RP1L1: variants seen among roughly 807,000 people sequenced by gnomAD.
RP1L1 encodes RP1 like 1.
RP1L1 carries 27 observed loss-of-function variants against 15.7 expected under a neutral mutation model. The observed-to-expected ratio is 1.72, with a 90% CI of 1.27 to 2.38. The LOEUF is 2.38. Among genes scored for constraint, RP1L1 ranks in the 30% most tolerant of loss-of-function variants. The probability of loss-of-function intolerance (pLI) is 0.00; values close to 1 mark genes in which losing one functional copy is unlikely to be tolerated. For synonymous variants in RP1L1, 1,813 were observed against 1,276.7 expected (o/e 1.42, Z -8.96); for missense variants, 4,798 against 3,075.9 (o/e 1.56, Z -13.24).
chr8:10,616,294 G>A, intron 3 of RP1L1, 152 bp downstream of exon 3: 1 of 948,346 alleles, frequency 1.1e-6, no homozygotes, highest in South Asian at 1.4e-5. Flanking sequence ...CTGAGAAGGA[G>A]GAAGAGGCAA....
rs1446384532 is a variant in RP1L1 at position 10,610,056 on chromosome 8, C to T, written c.4042G>A (p.Gly1348Arg). The change falls in exon 4 of 4, where the codon GGA becomes AGA. Residue 1348 changes from glycine to arginine, a missense_variant. Gly to Arg is a moderately radical substitution (Grantham distance 125, BLOSUM62 -2). Transcript: ENST00000382483. ...LEETKETEGE[G>R]QQEEEAQLEE... ...AACTGCGCCTCTTCTTCTTGCTGTC[C>T]TTCTCCTTCTGTTTCTTTAGTTTCC... 4 of 1,184,528 alleles carry T rather than the reference C, an allele frequency of 3.4e-6. No individual in the cohort carries two copies. The highest frequency in any genetic ancestry group is 4.8e-5 in the East Asian group (1 of 20,804). 73.4% of individuals were successfully genotyped at this position (1,184,528 alleles called of 1,614,324 possible).
intron 2 of RP1L1, chr8:10,621,860 C>A: frequency 2.3e-6 from 1 of 442,982 alleles, no homozygotes; most frequent in Non-Finnish European, 4.6e-6. Flanking sequence ...CCTGCACATG[C>A]TGGGAGCCAT....
chr8:10,621,629 T>C, intron 2 of RP1L1: 1 of 447,738 alleles, frequency 2.2e-6, no homozygotes, highest in Non-Finnish European at 4.6e-6. Context: ...CCCAGTGATA[T>C]GATATTTATG....
chr8:10,612,013 G>A lies in RP1L1; in HGVS notation c.2085C>T (p.Ala695=), dbSNP rs967971310. 8 of 1,613,768 alleles carry A rather than the reference G, an allele frequency of 5.0e-6. No homozygotes were observed. Among genetic ancestry groups the A allele is most frequent in the East Asian group, 2.2e-5 (1 of 44,882 alleles). The change falls in exon 4 of 4, where the codon GCC becomes GCT. Residue 695 remains alanine (A), a synonymous_variant. Coordinates refer to ENST00000382483, the MANE Select transcript of RP1L1 (RefSeq NM_178857.6). The part of the protein sequence containing the change: ...QVPRPPERRR[A]CQDGSVPRYS... ...ATCGTGGCACTGAGCCATCCTGGCA[G>A]GCCCTTCGCCGCTCAGGAGGCCTCG...
chr8:10,609,574 G>A lies in RP1L1; in HGVS notation c.4524C>T (p.Cys1508=), dbSNP rs1162136919. 1.9e-6 allele frequency: 3 copies of A among 1,603,494 alleles called. No individual in the cohort carries two copies. Among genetic ancestry groups the A allele is most frequent in the South Asian group, 1.1e-5 (1 of 90,884 alleles). ...GAAERSSSVA[C]SAALDCDPIW... Reference sequence around the variant, plus strand: ...TGGGGTCGCAGTCCAGAGCCGCGCTGCAGGCCACCGAAGAGCTCCTCTCTG... The same window carrying A: ...TGGGGTCGCAGTCCAGAGCCGCGCTACAGGCCACCGAAGAGCTCCTCTCTG... The change falls in exon 4 of 4, where the codon TGC becomes TGT. Residue 1508 remains cysteine, a synonymous_variant. Transcript: ENST00000382483.
intron 1 of RP1L1, among the ~76,000 whole-genome samples, chr8:10,643,387 C>A (rs140264123): frequency 2.6e-5 from 4 of 152,258 alleles, no homozygotes; most frequent in Non-Finnish European, 4.4e-5. Context: ...CTGATTCTGA[C>A]TGCAGGCTGA....
In RP1L1 at chr8:10,611,949, C is replaced by G. The variant is rs1382408693; in HGVS notation, c.2149G>C (p.Gly717Arg). 6.2e-7 allele frequency: 1 copy of G among 1,613,780 alleles called. No homozygotes were observed. The highest frequency in any genetic ancestry group is 1.3e-5 in the African/African-American group (1 of 74,938). ...CCCGAGGAGGGAGGTCTCAGGTTCC[C>G]AGAGGCCTGTGTCCTGGTGCTCGAT... ...SSSSTRTQAS[G>R]NLRPPSSGSL... Residue 717 changes from glycine (G) to arginine (R), a missense_variant, in exon 4 of 4, where the codon GGG (glycine) becomes CGG (arginine). Coordinates refer to ENST00000382483, the MANE Select transcript of RP1L1 (RefSeq NM_178857.6).
chr8:10,608,871 C>G lies in RP1L1; in HGVS notation c.5227G>C (p.Gly1743Arg), dbSNP rs759400299. The G allele has an allele frequency of 1.2e-6, 2 of 1,614,024 alleles. No individual in the cohort carries two copies. The highest frequency in any genetic ancestry group is 1.7e-6 in the Non-Finnish European group (2 of 1,180,040). ...CTCTGGCTCCCCTCGCCATCCTCAC[C>G]CTCGTCCACTCCAGGCCCCTGGCTC... ...GLSQGPGVDE[G>R]EDGEGSQRLN... The change falls in exon 4 of 4, where the codon GGT becomes CGT. Residue 1743 changes from glycine (G) to arginine (R), a missense_variant. Transcript: ENST00000382483.
chr8:10,613,084 T>A lies in RP1L1; in HGVS notation c.1014A>T (p.Leu338=). 1 of 1,613,794 alleles carries A rather than the reference T, an allele frequency of 6.2e-7. No individual in the cohort carries two copies. Among genetic ancestry groups the A allele is most frequent in the Non-Finnish European group, 8.5e-7 (1 of 1,180,018 alleles). Residue 338 remains leucine (L), a synonymous_variant, in exon 4 of 4, where the codon CTA becomes CTT. Transcript: ENST00000382483. Reference sequence around the variant, plus strand: ...TGGCCCTGCCCATCCTCCGGGACCATAGGAGCGTGTCCTCGCCGACCAGGT... The same window carrying A: ...TGGCCCTGCCCATCCTCCGGGACCAAAGGAGCGTGTCCTCGCCGACCAGGT... ...RFHLVGEDTL[L]WSRRMGRASA...
intron 1 of RP1L1, among the ~76,000 whole-genome samples, chr8:10,647,086 AAG>A (rs1471562548): frequency 8.5e-5 from 13 of 152,206 alleles, no homozygotes; most frequent in Non-Finnish European, 1.8e-4. Context: ...GGCAGCAGGA[AAG>A]AGCTGTCCCG....
At chr8:10,653,691 G>C (rs1245625408) in intron 1 of RP1L1, among the ~76,000 whole-genome samples, 1 of 152,082 alleles carries the variant, frequency 6.6e-6, no homozygotes, top group African/African-American at 2.4e-5. Flanking sequence ...CAGAGGTTCA[G>C]AAAACGGCAA....
chr8:10,632,686 A>G (rs1798270414), intron 1 of RP1L1, among the ~76,000 whole-genome samples: 1 of 152,250 alleles, frequency 6.6e-6, no homozygotes, highest in Non-Finnish European at 1.5e-5. Flanking sequence ...AGCACCTTGT[A>G]GGTGCTCGGG....
In RP1L1 at chr8:10,606,678, T is replaced by G; in HGVS notation, c.*217A>C. The G allele has an allele frequency of 1.4e-6, 1 of 729,932 alleles. No homozygotes were observed. Among genetic ancestry groups the G allele is most frequent in the South Asian group, 2.0e-5 (1 of 51,102 alleles). 45.2% of individuals were successfully genotyped at this position (729,932 alleles called of 1,614,324 possible). A position where few individuals can be genotyped will look rare whatever the true frequency, so the allele number is the denominator to read the frequency against. On this transcript the variant is annotated 3_prime_UTR_variant, in exon 4 of 4. Coordinates refer to ENST00000382483, the MANE Select transcript of RP1L1 (RefSeq NM_178857.6). ...GCAGATCCGCAGACACCCCCTTTCT[T>G]CACACTGCGTGTGGGACGGGCCGCA...
rs1357182542 is a variant in RP1L1, at chr8:10,613,249, G to T, written c.849C>A (p.Pro283=). 1.9e-6 allele frequency: 3 copies of T among 1,611,610 alleles called. No homozygotes were observed. In the East Asian group the frequency reaches 6.7e-5, roughly 36 times the overall value. The change falls in exon 4 of 4, where the codon CCC becomes CCA. Residue 283 remains proline, a synonymous_variant. Coordinates refer to ENST00000382483, the MANE Select transcript of RP1L1 (RefSeq NM_178857.6). ...GCCTGCCAGGAGCAGGGCCCACCGG[G>T]GGGTTGCTAGGACCAGGCCTTTCTG... ...RLPERPGPSN[P]PVGPAPGRHP... is the part of the protein sequence containing the mutation.
chr8:10,634,845 A>G (rs1466616687), intron 1 of RP1L1, among the ~76,000 whole-genome samples: 1 of 152,032 alleles, frequency 6.6e-6, no homozygotes, highest in African/African-American at 2.4e-5. Flanking sequence ...GAGTCTACCC[A>G]ACCCCAACTG....
intron 1 of RP1L1, among the ~76,000 whole-genome samples, chr8:10,627,915 C>T (rs1413002876): frequency 6.6e-6 from 1 of 152,194 alleles, no homozygotes; most frequent in East Asian, 1.9e-4. Context: ...ACAAAGCAAT[C>T]CAGCAGCAAA....
rs762068724 is a variant in RP1L1 at position 10,609,045 on chromosome 8, C to T, written c.5053G>A (p.Glu1685Lys). Residue 1685 changes from glutamate to lysine, a missense_variant, in exon 4 of 4, where the codon GAG becomes AAG. Coordinates refer to ENST00000382483, the MANE Select transcript of RP1L1 (RefSeq NM_178857.6). ...AGAATCTGCTGCAGGTCAAAGGCCTCTTTGATGGGACCTCTGGTTGCCCCC... is the reference window on the plus strand; with the variant it reads ...AGAATCTGCTGCAGGTCAAAGGCCTTTTTGATGGGACCTCTGGTTGCCCCC... ...TMGATRGPIK[E>K]AFDLQQILQR... 6.2e-7 allele frequency: 1 copy of T among 1,613,862 alleles called. No homozygotes were observed. Among genetic ancestry groups the T allele is most frequent in the South Asian group, 1.1e-5 (1 of 91,058 alleles).
At position 10,611,057 on chromosome 8, in the gene RP1L1, A is replaced by G. The variant is rs776708398; in HGVS notation, c.3041T>C (p.Leu1014Pro). 6.2e-7 allele frequency: 1 copy of G among 1,612,778 alleles called. No individual in the cohort carries two copies. Among genetic ancestry groups the G allele is most frequent in the Non-Finnish European group, 8.5e-7 (1 of 1,179,980 alleles). The stretch of plus-strand genomic sequence containing the variant: ...TGGGTCCTGGCCGGGGTCCCCTTCC[A>G]GGGACTGCTGTCCCGCCTGAGCTGG... Reference protein sequence around the residue: ...GEPAQAGQQSLEGDPGQDPEP... With the variant: ...GEPAQAGQQSPEGDPGQDPEP... Residue 1014 changes from leucine (L) to proline (P), a missense_variant, in exon 4 of 4, where the codon CTG (leucine) becomes CCG (proline). Physicochemically the swap from Leu to Pro is moderately conservative, Grantham distance 98. Transcript: ENST00000382483.
At position 10,609,093 on chromosome 8, in the gene RP1L1, G is replaced by T; in HGVS notation, c.5005C>A (p.Pro1669Thr). 2 of 1,613,638 alleles carry T rather than the reference G, an allele frequency of 1.2e-6. No homozygotes were observed. The highest frequency in any genetic ancestry group is 1.7e-6 in the Non-Finnish European group (2 of 1,179,660). The change falls in exon 4 of 4, where the codon CCT becomes ACT. Residue 1669 changes from proline (P) to threonine (T), a missense_variant. By Grantham distance (38) the Pro-to-Thr change is conservative (BLOSUM62 -1). Coordinates refer to ENST00000382483, the MANE Select transcript of RP1L1 (RefSeq NM_178857.6). ...CEACVRKKVS[P>T]MSPKATMGAT... ...CCCATTGTGGCCTTGGGGGACATAGGGCTCACTTTCTTCCTCACGCAGGCC... is the reference window on the plus strand; with the variant it reads ...CCCATTGTGGCCTTGGGGGACATAGTGCTCACTTTCTTCCTCACGCAGGCC...
Sources: gnomAD v4.1 joint callset for allele counts (sites outside exome capture counted in the v4.1 genomes callset) on GRCh38, gnomAD v4.1.1 for gene constraint, MANE v1.5 for transcripts, NCBI Gene and HGNC (gene_info 2026-07-23, HGNC 2026-07-21) for gene names.